BAIAP2L1: variants seen among roughly 807,000 people sequenced by gnomAD.
BAIAP2L1 encodes BAR/IMD domain containing adaptor protein 2 like 1.
A neutral mutation model predicts 66.3 loss-of-function variants in BAIAP2L1; 35 were observed. The ratio of observed to expected loss-of-function variants is 0.53; its 90% CI spans 0.40 to 0.70. BAIAP2L1 has a LOEUF of 0.70. Ranked by LOEUF, BAIAP2L1 falls within the 30% of genes least tolerant of loss-of-function variation. The pLI is 0.00. For synonymous variants in BAIAP2L1, 269 were observed against 248.7 expected (o/e 1.08, Z -0.77); for missense variants, 622 against 656.9 (o/e 0.95, Z 0.58).
rs528565272 is a variant in BAIAP2L1, at chr7:98,357,714, GAAC to G, written c.128-2589_128-2587del. Among the ~76,000 whole-genome samples, 409 of 151,904 alleles carry G rather than the reference GAAC, an allele frequency of 2.7e-3. 2 individuals carry two copies. The highest frequency in any genetic ancestry group is 9.4e-3 in the African/African-American group (388 of 41,424). On this transcript the variant is annotated intron_variant, in intron 2 of 13. Transcript: ENST00000005260. ...CAACCTTAAAGTGTAAATGTAAAAA[GAAC>G]AATAGCAATTAGCATTTATATACAT...
chr7:98,293,072 T>C lies in BAIAP2L1; in HGVS notation c.*449A>G. ...TTGCTTAAAATTATGATTTGCATGC[T>C]AAGATGCAAACTTACGTGATATCTT... is the stretch of plus-strand genomic sequence containing the variant. On this transcript the variant is annotated 3_prime_UTR_variant, in exon 14 of 14. Coordinates refer to ENST00000005260, the MANE Select transcript of BAIAP2L1 (RefSeq NM_018842.5). 1.5e-6 allele frequency: 1 copy of C among 664,782 alleles called. No individual in the cohort carries two copies. The highest frequency in any genetic ancestry group is 1.9e-6 in the Non-Finnish European group (1 of 519,550). 41.2% of individuals were successfully genotyped at this position (664,782 alleles called of 1,614,324 possible).
rs1800012725 is a variant in BAIAP2L1 at position 98,292,570 on chromosome 7, C to T, written c.*951G>A. 4.1e-6 allele frequency: 6 copies of T among 1,452,068 alleles called. No individual in the cohort carries two copies. The South Asian group carries it at 4.9e-5, about 12-fold the overall frequency. 89.9% of individuals were successfully genotyped at this position (1,452,068 alleles called of 1,614,324 possible). A position where few individuals can be genotyped will look rare whatever the true frequency, so the allele number is the denominator to read the frequency against. ...CAGGGCAGCCAGTGCGTAGTCCTCA[C>T]ATCCATACCATAGGGCCAGGTTCCG... On this transcript the variant is annotated 3_prime_UTR_variant, in exon 14 of 14. Transcript: ENST00000005260.
chr7:98,325,442 C>T (rs1801358860), intron 3 of BAIAP2L1, among the ~76,000 whole-genome samples: 1 of 151,726 alleles, frequency 6.6e-6, no homozygotes, highest in Non-Finnish European at 1.5e-5. Context: ...CTTTAGGATG[C>T]TGGGGTGGGT....
chr7:98,303,542 CTTCCT>C (rs543152229), intron 12 of BAIAP2L1, among the ~76,000 whole-genome samples: 65 of 152,306 alleles, frequency 4.3e-4, no homozygotes, highest in African/African-American at 1.3e-3. Flanking sequence ...TTATTGTCTG[CTTCCT>C]ATCACTAGAA....
At chr7:98,341,695 G>A (rs770803984) in intron 3 of BAIAP2L1, among the ~76,000 whole-genome samples, 5 of 152,162 alleles carry the variant, frequency 3.3e-5, no homozygotes, top group African/African-American at 1.2e-4. Flanking sequence ...TCTATAAAAC[G>A]GAAATAACAA....
chr7:98,301,454 C>A (rs903163975), intron 12 of BAIAP2L1, among the ~76,000 whole-genome samples: 51 of 147,718 alleles, frequency 3.5e-4, no homozygotes, highest in African/African-American at 1.2e-3. Context: ...AGCCTGAAAG[C>A]CTTCTAGCTT....
At chr7:98,400,694 C>T in intron 1 of BAIAP2L1, 108 bp downstream of exon 1, 1 of 1,246,448 alleles carries the variant, frequency 8.0e-7, no homozygotes, top group African/African-American at 1.7e-5. Context: ...TGGAAGGACG[C>T]GGGGGAGGGG....
At chr7:98,347,594 T>G (rs569209096) in intron 3 of BAIAP2L1, among the ~76,000 whole-genome samples, 1 of 151,460 alleles carries the variant, frequency 6.6e-6, no homozygotes, top group Non-Finnish European at 1.5e-5. Flanking sequence ...GCTAACATGG[T>G]GAAAACCCGC....
intron 1 of BAIAP2L1, among the ~76,000 whole-genome samples, chr7:98,392,275 G>GCCCT (rs1238253729): frequency 6.6e-6 from 1 of 151,972 alleles, no homozygotes; most frequent in African/African-American, 2.4e-5. Context: ...AACCTGGGAG[G>GCCCT]CGGAGGTTGC....
intron 1 of BAIAP2L1, among the ~76,000 whole-genome samples, chr7:98,376,742 G>T (rs932125239): frequency 4.3e-4 from 65 of 151,892 alleles, no homozygotes; most frequent in African/African-American, 1.5e-3. Context: ...TGAGGCAGGA[G>T]AATCACTTGA....
At chr7:98,335,066 T>C (rs1478468726) in intron 3 of BAIAP2L1, among the ~76,000 whole-genome samples, 1 of 140,376 alleles carries the variant, frequency 7.1e-6, no homozygotes, top group African/African-American at 2.7e-5. Context: ...GGCAGGAGAA[T>C]GGTGTGAACC....
chr7:98,352,623 T>C (rs1164748988), intron 3 of BAIAP2L1, among the ~76,000 whole-genome samples: 1 of 152,080 alleles, frequency 6.6e-6, no homozygotes, highest in East Asian at 1.9e-4. Context: ...GCCTAGGTGA[T>C]GGAGTGAGGT....
intron 3 of BAIAP2L1, among the ~76,000 whole-genome samples, chr7:98,338,746 T>C (rs892851999): frequency 1.3e-4 from 20 of 152,268 alleles, no homozygotes; most frequent in African/African-American, 4.3e-4. Context: ...CTTTTGGCTA[T>C]TGTGAGTTGT....
intron 1 of BAIAP2L1, among the ~76,000 whole-genome samples, chr7:98,378,877 C>CTGG (rs150421917): frequency 6.6e-6 from 1 of 152,188 alleles, no homozygotes; most frequent in East Asian, 1.9e-4. Flanking sequence ...GTTGCTCAGG[C>CTGG]TGGTGTACAG....
intron 1 of BAIAP2L1, among the ~76,000 whole-genome samples, chr7:98,363,326 C>T (rs371964584): frequency 2.6e-5 from 4 of 152,048 alleles, no homozygotes; most frequent in Non-Finnish European, 4.4e-5. Flanking sequence ...CGAGCCACTG[C>T]GCCCTGCCTC....
In BAIAP2L1 at chr7:98,293,978, T is replaced by G. The variant is rs532819495; in HGVS notation, c.1460+96A>C. 1.6e-5 allele frequency: 23 copies of G among 1,396,112 alleles called. No individual in the cohort carries two copies. In the African/African-American group the frequency reaches 3.2e-4, roughly 19 times the overall value. The allele number at this position is 1,396,112 out of a possible 1,614,324, so 86.5% of individuals were successfully genotyped here. A position where few individuals can be genotyped will look rare whatever the true frequency, so the allele number is the denominator to read the frequency against. ...CCACAGGCCGAGGCCTTTCTCAGGC[T>G]GGACCCCCTGGGCTGGGCACCGAAG... On this transcript the variant is annotated intron_variant, in intron 13 of 13. Transcript: ENST00000005260.
At chr7:98,381,347 T>C (rs530406542) in intron 1 of BAIAP2L1, among the ~76,000 whole-genome samples, 7 of 152,210 alleles carry the variant, frequency 4.6e-5, no homozygotes, top group Non-Finnish European at 7.3e-5. Context: ...TCCTTTCCCA[T>C]CTTCACCCAC....
At chr7:98,389,917 A>C (rs1403951302) in intron 1 of BAIAP2L1, among the ~76,000 whole-genome samples, 1 of 104,926 alleles carries the variant, frequency 9.5e-6, no homozygotes, top group Non-Finnish European at 2.4e-5. Context: ...TGGGTTAGTA[A>C]ATTTTTTTTT....
At chr7:98,297,753 C>CA (rs1445750685) in intron 12 of BAIAP2L1, among the ~76,000 whole-genome samples, 1 of 152,228 alleles carries the variant, frequency 6.6e-6, no homozygotes, top group African/African-American at 2.4e-5. Context: ...TGTTGTGACG[C>CA]AAACGAAGAT....
Sources: gnomAD v4.1 joint callset for allele counts (sites outside exome capture counted in the v4.1 genomes callset) on GRCh38, gnomAD v4.1.1 for gene constraint, MANE v1.5 for transcripts, NCBI Gene and HGNC (gene_info 2026-07-23, HGNC 2026-07-21) for gene names.